The following SLIT2 variants were observed in gnomAD, a reference collection of about 807,000 sequenced individuals.
SLIT2 encodes the protein slit homolog 2 protein.
Under a neutral mutation model 185.7 loss-of-function variants are expected in SLIT2, and 41 were observed. The ratio of observed to expected loss-of-function variants is 0.22; its 90% confidence interval spans 0.17 to 0.29. The LOEUF is 0.29. Ranked by LOEUF, SLIT2 falls within the 10% of genes least tolerant of loss-of-function variation. The pLI is 1.00. For synonymous variants in SLIT2, 693 were observed against 680.2 expected (o/e 1.02, Z -0.29); for missense variants, 1,571 against 1,909.0 (o/e 0.82, Z 3.30).
At chr4:20,612,597 G>A (rs905421617) in intron 34 of SLIT2, among the ~76,000 whole-genome samples, 2 of 152,102 alleles carry the variant, frequency 1.3e-5, no homozygotes, top group African/African-American at 4.8e-5. Flanking sequence ...GAGAAAAGGA[G>A]AGCAAGGTAA....
chr4:20,526,761 G>T (rs1721331190), intron 15 of SLIT2, among the ~76,000 whole-genome samples: 1 of 152,102 alleles, frequency 6.6e-6, no homozygotes, highest in Non-Finnish European at 1.5e-5. Context: ...CTTTAAACAT[G>T]ATAATTGTAG....
chr4:20,319,368 AAGATGTG>A (rs1448203516), intron 4 of SLIT2, among the ~76,000 whole-genome samples: 1 of 152,188 alleles, frequency 6.6e-6, no homozygotes, highest in Non-Finnish European at 1.5e-5. Flanking sequence ...GTGGTGAAAT[AAGATGTG>A]ATTATTAGAC....
chr4:20,541,360 C>T (rs540666712), intron 19 of SLIT2, 93 bp from the exon 20 acceptor site: 205 of 1,047,210 alleles, frequency 2.0e-4, no homozygotes, highest in Non-Finnish European at 2.3e-4. Flanking sequence ...ATCATTCCAG[C>T]GGAAATAGCG....
intron 11 of SLIT2, among the ~76,000 whole-genome samples, chr4:20,514,037 G>C (rs527743475): frequency 4.3e-4 from 65 of 152,270 alleles, no homozygotes; most frequent in African/African-American, 1.5e-3. Context: ...GTGAAAGCTA[G>C]ATTTGCAGAG....
chr4:20,532,108 G>A, intron 17 of SLIT2, 50 bp downstream of exon 17: 4 of 1,023,930 alleles, frequency 3.9e-6, no homozygotes, highest in Non-Finnish European at 5.8e-6. Flanking sequence ...TTTTTTGGGT[G>A]TTCATTTCAG....
chr4:20,550,942 C>A, intron 25 of SLIT2, 44 bp downstream of exon 25: 1 of 1,045,568 alleles, frequency 9.6e-7, no homozygotes, highest in Non-Finnish European at 1.5e-6. Context: ...TCAAACACTT[C>A]CTAATGAGTG....
At chr4:20,376,770 A>G (rs1316101092) in intron 4 of SLIT2, among the ~76,000 whole-genome samples, 1 of 152,136 alleles carries the variant, frequency 6.6e-6, no homozygotes, top group African/African-American at 2.4e-5. Context: ...AACTGTCACA[A>G]GGACAGAAAA....
At chr4:20,279,797 C>T (rs1394649337) in intron 4 of SLIT2, among the ~76,000 whole-genome samples, 1 of 152,124 alleles carries the variant, frequency 6.6e-6, no homozygotes, top group Non-Finnish European at 1.5e-5. Context: ...ATCACTGTTT[C>T]CTGTCCCATA....
chr4:20,277,458 T>C (rs1044282848), intron 4 of SLIT2, among the ~76,000 whole-genome samples: 5 of 151,884 alleles, frequency 3.3e-5, no homozygotes, highest in African/African-American at 1.2e-4. Flanking sequence ...GACACTACTT[T>C]TGTGTAAACA....
chr4:20,545,135 C>G (rs1409892606), intron 21 of SLIT2, among the ~76,000 whole-genome samples: 1 of 151,950 alleles, frequency 6.6e-6, no homozygotes, highest in East Asian at 1.9e-4. Context: ...CAACTTCAAC[C>G]TGGAATCTTG....
chr4:20,486,472 A>T (rs1469837781), intron 7 of SLIT2, among the ~76,000 whole-genome samples: 2 of 152,076 alleles, frequency 1.3e-5, no homozygotes, highest in Admixed American at 1.3e-4. Flanking sequence ...ACTGATATGC[A>T]TTATGGAAAC....
chr4:20,377,880 T>C lies in SLIT2; in HGVS notation c.396-89872T>C, dbSNP rs547518589. On this transcript the variant is annotated intron_variant, in intron 4 of 36. Transcript: ENST00000504154. ...TAGCAAAAGTTGTGCCTAGAATTTA[T>C]ATGCATAGTTTGTACCATTATTTTA... Among the ~76,000 whole-genome samples the C allele has an allele frequency of 5.3e-4, 80 of 152,294 alleles. No individual in the cohort carries two copies. In the South Asian group the frequency reaches 0.015, roughly 28 times the overall value.
At chr4:20,521,632 T>C (rs1042803523) in intron 12 of SLIT2, among the ~76,000 whole-genome samples, 1 of 151,946 alleles carries the variant, frequency 6.6e-6, no homozygotes, top group Admixed American at 6.6e-5. Flanking sequence ...GGAGGAGAGG[T>C]GTGGGGTTAA....
At chr4:20,404,710 A>C (rs1251954119) in intron 4 of SLIT2, among the ~76,000 whole-genome samples, 1 of 152,056 alleles carries the variant, frequency 6.6e-6, no homozygotes, top group Non-Finnish European at 1.5e-5. Flanking sequence ...TACATATTTA[A>C]ACAAAACAGC....
At chr4:20,451,268 G>A (rs1270535253) in intron 4 of SLIT2, among the ~76,000 whole-genome samples, 1 of 151,922 alleles carries the variant, frequency 6.6e-6, no homozygotes, top group South Asian at 2.1e-4. Context: ...TTTTCCATGG[G>A]GGATAAATAA....
intron 4 of SLIT2, among the ~76,000 whole-genome samples, chr4:20,455,208 A>G (rs1712932086): frequency 6.6e-6 from 1 of 152,126 alleles, no homozygotes; most frequent in Non-Finnish European, 1.5e-5. Context: ...AGTCTGTTCA[A>G]ATTCTAGCAT....
chr4:20,368,503 G>A (rs2109311313), intron 4 of SLIT2, among the ~76,000 whole-genome samples: 1 of 152,068 alleles, frequency 6.6e-6, no homozygotes, highest in South Asian at 2.1e-4. Context: ...TTTCTATATT[G>A]TTAACACCTA....
At chr4:20,352,958 A>G (rs1722008187) in intron 4 of SLIT2, among the ~76,000 whole-genome samples, 2 of 152,208 alleles carry the variant, frequency 1.3e-5, no homozygotes, top group Non-Finnish European at 2.9e-5. Context: ...ATTTGCAGTA[A>G]AACAGAAAAA....
chr4:20,604,668 A>G (rs527554909), intron 33 of SLIT2, among the ~76,000 whole-genome samples: 29 of 151,172 alleles, frequency 1.9e-4, no homozygotes, highest in African/African-American at 7.0e-4. Context: ...CTTTAATCTC[A>G]TTTGGCTTCC....
Sources: gnomAD v4.1 joint callset for allele counts (sites outside exome capture counted in the v4.1 genomes callset) on GRCh38, gnomAD v4.1.1 for gene constraint, MANE v1.5 for transcripts, NCBI Gene and HGNC (gene_info 2026-07-23, HGNC 2026-07-21) for gene names.